The following NTM variants were observed in gnomAD, a reference collection of about 807,000 sequenced individuals.
NTM encodes the protein IgLON family member 2.
In NTM, 13 loss-of-function variants were observed where a neutral mutation model predicts 42.1. The observed-to-expected ratio is 0.31, with a 90% confidence interval of 0.20 to 0.49. The LOEUF is 0.49. Ranked by LOEUF, NTM falls within the 20% of genes least tolerant of loss-of-function variation. NTM has a pLI of 0.99. For synonymous variants in NTM, 187 were observed against 179.2 expected, an observed-to-expected ratio of 1.04 and a Z score of -0.35; for missense variants, 373 against 452.8, an observed-to-expected ratio of 0.82 and a Z score of 1.60.
At chr11:131,789,618 A>G (rs1315390510) in intron 1 of NTM, among the ~76,000 whole-genome samples, 3 of 86,382 alleles carry the variant, frequency 3.5e-5, no homozygotes, top group Middle Eastern at 5.3e-3. Context: ...AAGAAGAAGA[A>G]GAAGAAGAAG....
At chr11:132,297,759 A>AG (rs1420581275) in intron 4 of NTM, among the ~76,000 whole-genome samples, 2 of 152,074 alleles carry the variant, frequency 1.3e-5, no homozygotes, top group African/African-American at 4.8e-5. Context: ...CACCATCACT[A>AG]GGGGATGATC....
intron 1 of NTM, among the ~76,000 whole-genome samples, chr11:131,413,795 A>C (rs1946671740): frequency 6.6e-6 from 1 of 152,148 alleles, no homozygotes; most frequent in African/African-American, 2.4e-5. Context: ...CGTGGGGACA[A>C]GCAGGACAAG....
chr11:131,828,529 C>T (rs1382317450), intron 1 of NTM, among the ~76,000 whole-genome samples: 1 of 152,030 alleles, frequency 6.6e-6, no homozygotes, highest in African/African-American at 2.4e-5. Flanking sequence ...CTACCACTAA[C>T]ACCTTCACCA....
chr11:131,505,674 T>A (rs2047396306), intron 1 of NTM, among the ~76,000 whole-genome samples: 1 of 152,104 alleles, frequency 6.6e-6, no homozygotes, highest in African/African-American at 2.4e-5. Flanking sequence ...TAATCAGTGT[T>A]CACACTCACG....
chr11:132,106,906 G>A (rs920519403), intron 2 of NTM, among the ~76,000 whole-genome samples: 1 of 152,142 alleles, frequency 6.6e-6, no homozygotes, highest in African/African-American at 2.4e-5. Context: ...AGTCACAACT[G>A]GGTTAGGAAG....
chr11:131,723,558 T>C (rs2078615109), intron 1 of NTM, among the ~76,000 whole-genome samples: 1 of 152,210 alleles, frequency 6.6e-6, no homozygotes, highest in Admixed American at 6.5e-5. Flanking sequence ...TTTCCTTCCA[T>C]CCATCTTTCT....
chr11:132,008,170 G>A (rs959605164), intron 2 of NTM, among the ~76,000 whole-genome samples: 3 of 152,188 alleles, frequency 2.0e-5, no homozygotes, highest in East Asian at 1.9e-4. Flanking sequence ...GGATCATGAC[G>A]TGGTGGACTG....
At chr11:131,812,896 C>T (rs1276435602) in intron 1 of NTM, among the ~76,000 whole-genome samples, 1 of 152,154 alleles carries the variant, frequency 6.6e-6, no homozygotes, top group African/African-American at 2.4e-5. Flanking sequence ...TGAGGAGGGA[C>T]AGCCAGGAGA....
chr11:131,942,909 G>A (rs965947603), intron 2 of NTM, among the ~76,000 whole-genome samples: 12 of 150,712 alleles, frequency 8.0e-5, no homozygotes, highest in African/African-American at 2.7e-4. Flanking sequence ...TCTGGCCACC[G>A]CACTCCAGTC....
intron 1 of NTM, among the ~76,000 whole-genome samples, chr11:131,802,631 C>A (rs1470927819): frequency 6.6e-6 from 1 of 152,206 alleles, no homozygotes; most frequent in Non-Finnish European, 1.5e-5. Context: ...GTGCCATCAG[C>A]AGCTCTGCCC....
At chr11:132,234,653 T>TATA (rs994899440) in intron 4 of NTM, among the ~76,000 whole-genome samples, 3 of 152,222 alleles carry the variant, frequency 2.0e-5, no homozygotes, top group Non-Finnish European at 4.4e-5. Context: ...CTTTACACGT[T>TATA]ATAATAATAA....
chr11:131,448,842 C>T (rs116728099), intron 1 of NTM, among the ~76,000 whole-genome samples: 1,575 of 152,280 alleles, frequency 0.01, 25 homozygotes, highest in African/African-American at 0.036. Flanking sequence ...CAGTGGCTTT[C>T]GACTTCAGCT....
intron 2 of NTM, among the ~76,000 whole-genome samples, chr11:132,120,081 C>T (rs774780660): frequency 3.4e-4 from 52 of 152,110 alleles, no homozygotes; most frequent in Non-Finnish European, 6.2e-4. Context: ...CCCCGCTTGC[C>T]TTCCCTCCCA....
chr11:131,592,418 T>C (rs768922508), intron 1 of NTM, among the ~76,000 whole-genome samples: 2 of 151,800 alleles, frequency 1.3e-5, no homozygotes, highest in Non-Finnish European at 2.9e-5. Flanking sequence ...ACATGCTCAG[T>C]AATGACTTGT....
chr11:132,010,787 T>G (rs1481725662), intron 2 of NTM, among the ~76,000 whole-genome samples: 1 of 152,114 alleles, frequency 6.6e-6, no homozygotes, highest in African/African-American at 2.4e-5. Flanking sequence ...CTATCACAAT[T>G]GTACAGTTTC....
chr11:131,671,689 T>C (rs559246534), intron 1 of NTM: 3 of 777,302 alleles, frequency 3.9e-6, no homozygotes, highest in South Asian at 5.8e-5. Flanking sequence ...CTTGGGCTAA[T>C]TCACAGGCCA....
intron 1 of NTM, among the ~76,000 whole-genome samples, chr11:131,861,771 G>T (rs1238851911): frequency 2.0e-5 from 3 of 152,166 alleles, no homozygotes; most frequent in Non-Finnish European, 4.4e-5. Context: ...AGAAAAAAAG[G>T]TGTTGTAGGC....
At chr11:131,566,796 G>T (rs2137049306) in intron 1 of NTM, among the ~76,000 whole-genome samples, 1 of 152,334 alleles carries the variant, frequency 6.6e-6, no homozygotes, top group East Asian at 1.9e-4. Flanking sequence ...AAAAGAGAGA[G>T]GGGGAAGAGG....
At chr11:131,575,211 C>T (rs2057814248) in intron 1 of NTM, among the ~76,000 whole-genome samples, 1 of 152,100 alleles carries the variant, frequency 6.6e-6, no homozygotes, top group Non-Finnish European at 1.5e-5. Context: ...AGAAGTCCTG[C>T]AACAAGGAAA....
Sources: gnomAD v4.1 joint callset for allele counts (sites outside exome capture counted in the v4.1 genomes callset) on GRCh38, gnomAD v4.1.1 for gene constraint, MANE v1.5 for transcripts, NCBI Gene and HGNC (gene_info 2026-07-23, HGNC 2026-07-21) for gene names.